Variants in GPR137C observed in about 807,000 individuals in gnomAD.
GPR137C encodes integral membrane protein GPR137C.
In GPR137C, 27 loss-of-function variants were observed where a neutral mutation model predicts 43.4. The observed-to-expected ratio is 0.62, with a 90% CI of 0.46 to 0.86. The LOEUF (loss-of-function observed/expected upper bound fraction) is 0.86. Among genes scored for constraint, GPR137C ranks in the 40% least tolerant of loss-of-function variants. The probability of loss-of-function intolerance (pLI) is 0.00; values close to 1 mark genes in which losing one functional copy is unlikely to be tolerated. For synonymous variants in GPR137C, 285 were observed against 226.9 expected (o/e 1.26, Z -2.30); for missense variants, 522 against 534.6 (o/e 0.98, Z 0.23).
At chr14:52,578,944 CAAAAAAA>C (rs564809341) in intron 1 of GPR137C, among the ~76,000 whole-genome samples, 1 of 93,940 alleles carries the variant, frequency 1.1e-5, no homozygotes, top group African/African-American at 4.0e-5. Flanking sequence ...GACTCCGTCT[CAAAAAAA>C]AAAAAAAAGA....
At chr14:52,559,753 C>T (rs1244864694) in intron 1 of GPR137C, among the ~76,000 whole-genome samples, 1 of 152,144 alleles carries the variant, frequency 6.6e-6, no homozygotes, top group African/African-American at 2.4e-5. Flanking sequence ...GTAGGTGACA[C>T]AATTTCTTAG....
chr14:52,554,437 TC>T (rs2038160405), intron 1 of GPR137C, among the ~76,000 whole-genome samples: 1 of 152,206 alleles, frequency 6.6e-6, no homozygotes, highest in Admixed American at 6.5e-5. Flanking sequence ...ATTGCATTGT[TC>T]TGCAGCGCTT....
At chr14:52,631,600 G>A (rs554889511) in intron 3 of GPR137C, among the ~76,000 whole-genome samples, 2 of 152,054 alleles carry the variant, frequency 1.3e-5, no homozygotes, top group Non-Finnish European at 2.9e-5. Context: ...GAGGGAAATG[G>A]TGAAAGCCAT....
At chr14:52,622,087 GTA>G (rs986433281) in intron 3 of GPR137C, among the ~76,000 whole-genome samples, 5 of 151,914 alleles carry the variant, frequency 3.3e-5, no homozygotes, top group Non-Finnish European at 7.4e-5. Flanking sequence ...ATCTATTGTG[GTA>G]TGTTGTTTAG....
chr14:52,571,159 A>G (rs1321927430), intron 1 of GPR137C, among the ~76,000 whole-genome samples: 1 of 152,218 alleles, frequency 6.6e-6, no homozygotes, highest in Non-Finnish European at 1.5e-5. Context: ...GTGCAATCAA[A>G]TTAGAACTCA....
Position 52,636,444 on chromosome 14 carries a change from T to C in GPR137C, c.*1329T>C, listed in dbSNP as rs957079286. 3.3e-5 allele frequency: 5 copies of C among 152,078 alleles called. No homozygotes were observed. In the South Asian group the frequency reaches 6.2e-4, roughly 19 times the overall value. 9.4% of individuals were successfully genotyped at this position (152,078 alleles called of 1,614,324 possible). A position where few individuals can be genotyped will look rare whatever the true frequency, so the allele number is the denominator to read the frequency against. ...CAAGATGCCAAGGGAACAAGCAACA[T>C]TGGGAAGTTGTCACAACATGCTCAA... On this transcript the variant is annotated 3_prime_UTR_variant, in exon 7 of 7. Coordinates refer to ENST00000321662, the MANE Select transcript of GPR137C (RefSeq NM_001099652.2).
At chr14:52,595,824 C>T (rs755892545) in intron 1 of GPR137C, among the ~76,000 whole-genome samples, 2 of 152,278 alleles carry the variant, frequency 1.3e-5, no homozygotes, top group East Asian at 1.9e-4. Flanking sequence ...TCTGTCAACT[C>T]GTCAAACTCG....
chr14:52,616,364 G>C (rs896275845), intron 3 of GPR137C, among the ~76,000 whole-genome samples: 4 of 152,144 alleles, frequency 2.6e-5, no homozygotes, highest in Admixed American at 1.3e-4. Context: ...CCCAATCTCA[G>C]CTCACTGCAA....
In GPR137C at chr14:52,553,423, G is replaced by C. The variant is rs371208920; in HGVS notation, c.276G>C (p.Trp92Cys). The change falls in exon 1 of 7, where the codon TGG (tryptophan) becomes TGC (cysteine). Residue 92 changes from tryptophan to cysteine, a missense_variant. Coordinates refer to ENST00000321662, the MANE Select transcript of GPR137C (RefSeq NM_001099652.2). ...TCTGCCTCTTCCTCTGTCTCCTGTG[G>C]GCAGCGCTCAGGACCACCCTCTTCT... ...QSLCLFLCLLWAALRTTLFSA... is the reference protein window; with the variant it reads ...QSLCLFLCLLCAALRTTLFSA... 140 of 1,608,830 alleles carry C rather than the reference G, an allele frequency of 8.7e-5. No individual in the cohort carries two copies. Among genetic ancestry groups the C allele is most frequent in the Non-Finnish European group, 1.1e-4 (133 of 1,179,806 alleles).
At chr14:52,598,391 TA>T in intron 2 of GPR137C, 76 bp downstream of exon 2, 2 of 615,266 alleles carry the variant, frequency 3.3e-6, no homozygotes, top group Non-Finnish European at 2.8e-6. Context: ...GCTTAGTATC[TA>T]AAAGATCTAA....
chr14:52,631,033 C>G (rs1360383237), intron 3 of GPR137C, among the ~76,000 whole-genome samples: 1 of 152,124 alleles, frequency 6.6e-6, no homozygotes, highest in Non-Finnish European at 1.5e-5. Context: ...AATATTTGAA[C>G]AACTGATAAA....
chr14:52,626,249 C>T (rs888802874), intron 3 of GPR137C, among the ~76,000 whole-genome samples: 5 of 152,122 alleles, frequency 3.3e-5, no homozygotes, highest in Admixed American at 6.5e-5. Context: ...TGTACATTAA[C>T]ACTTACAGAC....
rs369713179 is a variant in GPR137C, at chr14:52,577,516, G to GCGCACACACA, written c.445-20755_445-20754insGCACACACAC. 3.2e-3 allele frequency among the ~76,000 whole-genome samples: 460 copies of GCGCACACACA among 145,488 alleles called. 2 individuals are homozygous for GCGCACACACA. The highest frequency in any genetic ancestry group is 4.0e-3 in the South Asian group (18 of 4,494). On this transcript the variant is annotated intron_variant, in intron 1 of 6. Transcript: ENST00000321662. Reference sequence around the variant, plus strand: ...CAAACATGCACGCGTGCGCGCGCGCGCACACACACACACACACACACACAC... The same window carrying GCGCACACACA: ...CAAACATGCACGCGTGCGCGCGCGCGCGCACACACACACACACACACACACACACACACAC...
chr14:52,598,768 G>A (rs913236231), intron 2 of GPR137C, among the ~76,000 whole-genome samples: 1 of 152,160 alleles, frequency 6.6e-6, no homozygotes, highest in African/African-American at 2.4e-5. Context: ...CTTGCTGACT[G>A]TGCAATTCAT....
chr14:52,598,275 A>G lies in GPR137C; in HGVS notation c.448A>G (p.Ile150Val). The G allele has an allele frequency of 2.2e-6, 3 of 1,339,212 alleles. No homozygotes were observed. The highest frequency in any genetic ancestry group is 3.1e-6 in the Non-Finnish European group (3 of 975,952). The allele number at this position is 1,339,212 out of a possible 1,614,324, so 83.0% of individuals were successfully genotyped here. The change falls in exon 2 of 7, where the codon ATA becomes GTA. Residue 150 changes from isoleucine to valine, a missense_variant. Physicochemically the swap from Ile to Val is conservative, Grantham distance 29 (BLOSUM62 3). Around this residue, in one of 3 missense-constraint regions of GPR137C, gnomAD observed 437 missense variants for 425.7 expected, o/e 1.03. Transcript: ENST00000321662. ...CLLNLYLAEV[I>V]CKVRCATELD... ...TTTTTTTATATTCTCTTTATAGGTT[A>G]TATGTAAAGTCAGATGTGCCACTGA...
intron 3 of GPR137C, among the ~76,000 whole-genome samples, chr14:52,628,668 C>T (rs937227973): frequency 1.3e-5 from 2 of 151,948 alleles, no homozygotes; most frequent in Admixed American, 1.3e-4. Flanking sequence ...TGGTGGCAGG[C>T]ACCTGTAATC....
intron 3 of GPR137C, among the ~76,000 whole-genome samples, chr14:52,614,369 C>T (rs536437716): frequency 6.8e-4 from 103 of 152,288 alleles, no homozygotes; most frequent in African/African-American, 2.3e-3. Context: ...AATCTGCCCA[C>T]CTCGGCCTTC....
Position 52,635,397 on chromosome 14 carries a change from C to CT in GPR137C, c.*286dup, listed in dbSNP as rs1395894959. On this transcript the variant is annotated 3_prime_UTR_variant, in exon 7 of 7. Coordinates refer to ENST00000321662, the MANE Select transcript of GPR137C (RefSeq NM_001099652.2). ...TTGGAACATCAAATGCATATGTGCA[C>CT]TTTTATCTTTGTTCTGAGTCACTGC... is the stretch of plus-strand genomic sequence containing the variant. 2.5e-4 allele frequency: 69 copies of CT among 278,348 alleles called. No homozygotes were observed. In the East Asian group the frequency reaches 5.3e-3, roughly 21 times the overall value. The allele number at this position is 278,348 out of a possible 1,614,324, so 17.2% of individuals were successfully genotyped here. A position where few individuals can be genotyped will look rare whatever the true frequency, so the allele number is the denominator to read the frequency against.
chr14:52,562,585 C>G (rs990203217), intron 1 of GPR137C, among the ~76,000 whole-genome samples: 5 of 152,014 alleles, frequency 3.3e-5, no homozygotes, highest in African/African-American at 1.2e-4. Flanking sequence ...GTATCGAGAC[C>G]CTGTCTCTTA....
Sources: allele counts gnomAD v4.1 joint callset (sites outside exome capture counted in the v4.1 genomes callset), GRCh38; gene constraint gnomAD v4.1.1; regional missense constraint gnomAD v4.1.1; transcripts MANE v1.5; gene names NCBI Gene and HGNC (gene_info 2026-07-23, HGNC 2026-07-21).